The following PSD3 variants were observed in gnomAD, a reference collection of about 807,000 sequenced individuals.
PSD3 encodes pleckstrin and Sec7 domain containing 3, also known as PH and SEC7 domain-containing protein 3.
Under a neutral mutation model 105.5 loss-of-function variants are expected in PSD3, and 49 were observed. That is an observed-to-expected ratio of 0.46 (90% confidence interval 0.37 to 0.59). The LOEUF (loss-of-function observed/expected upper bound fraction) is 0.59, where lower values mean the gene tolerates loss of function less well. Ranked by LOEUF, PSD3 falls within the 20% of genes least tolerant of loss-of-function variation. The pLI is 0.00. For missense variants in PSD3, 1,561 were observed against 1,263.8 expected (o/e 1.24, Z -3.57); for synonymous variants, 557 against 457.8 (o/e 1.22, Z -2.77).
chr8:18,585,103 A>G (rs1269333252), intron 12 of PSD3, among the ~76,000 whole-genome samples: 1 of 152,174 alleles, frequency 6.6e-6, no homozygotes, highest in African/African-American at 2.4e-5. Context: ...CTTGCCTGGC[A>G]CTAGTGCTAG....
rs79557883 is a variant in PSD3 at position 18,711,827 on chromosome 8, A to T, written c.2172+53622T>A. The stretch of plus-strand genomic sequence containing the variant: ...TCCACCCCGAAACAACAGAATACAC[A>T]TTCTTTTTATCACCACATGGTACTT... On this transcript the variant is annotated intron_variant, in intron 9 of 15. Transcript: ENST00000327040. Among the ~76,000 whole-genome samples the T allele has an allele frequency of 7.4e-3, 1,124 of 152,314 alleles. 11 individuals are homozygous for T. The highest frequency in any genetic ancestry group is 0.012 in the Admixed American group (178 of 15,306).
chr8:18,636,392 C>T (rs1029228008), intron 10 of PSD3, among the ~76,000 whole-genome samples: 13 of 151,846 alleles, frequency 8.6e-5, no homozygotes, highest in African/African-American at 2.9e-4. Context: ...GCTGTTATTA[C>T]CAAAAAGTTA....
At chr8:18,653,534 G>T (rs1808675431) in intron 10 of PSD3, among the ~76,000 whole-genome samples, 1 of 152,092 alleles carries the variant, frequency 6.6e-6, no homozygotes, top group South Asian at 2.1e-4. Context: ...AGGACTACAG[G>T]TTAACTTGGT....
At chr8:18,548,972 C>G (rs2717742) in intron 15 of PSD3, among the ~76,000 whole-genome samples, 142,929 of 152,076 alleles carry the variant, frequency 0.94, 67,609 homozygotes, top group East Asian at 1. Context: ...AGTGGGATGT[C>G]AAACAGTTTA....
intron 9 of PSD3, among the ~76,000 whole-genome samples, chr8:18,676,471 A>T (rs1585586477): frequency 6.6e-6 from 1 of 152,200 alleles, no homozygotes; most frequent in African/African-American, 2.4e-5. Context: ...TCACACAAAG[A>T]AAAGAGCCAT....
At chr8:18,723,697 C>A (rs1386687) in intron 9 of PSD3, among the ~76,000 whole-genome samples, 1 of 152,190 alleles carries the variant, frequency 6.6e-6, no homozygotes. Flanking sequence ...ATTAATGACA[C>A]TGGTAAGTAT....
Position 18,978,859 on chromosome 8 carries a change from T to C in PSD3, c.21+34704A>G, listed in dbSNP as rs115907106. Among the ~76,000 whole-genome samples, 873 of 152,186 alleles carry C rather than the reference T, an allele frequency of 5.7e-3. 12 individuals are homozygous for C. Among genetic ancestry groups the C allele is most frequent in the African/African-American group, 0.02 (836 of 41,526 alleles). On this transcript the variant is annotated intron_variant, in intron 1 of 15. Transcript: ENST00000327040. ...TCAACCTCTCTCCCTTCCTCTCTCCTACCCTCTACCCTCATTCCCACCCCC... is the reference window on the plus strand; with the variant it reads ...TCAACCTCTCTCCCTTCCTCTCTCCCACCCTCTACCCTCATTCCCACCCCC...
At chr8:18,563,933 G>A (rs1263324156) in intron 14 of PSD3, among the ~76,000 whole-genome samples, 2 of 152,074 alleles carry the variant, frequency 1.3e-5, no homozygotes, top group Non-Finnish European at 2.9e-5. Flanking sequence ...TCCAAAGTGG[G>A]GTGTGTGTAG....
intron 4 of PSD3, among the ~76,000 whole-genome samples, chr8:18,848,046 G>C (rs540067738): frequency 2.4e-4 from 37 of 152,168 alleles, no homozygotes; most frequent in African/African-American, 8.9e-4. Context: ...AGGAACACGT[G>C]TCATCAAGAA....
At position 18,871,881 on chromosome 8, in the gene PSD3, C is replaced by T; in HGVS notation, c.983G>A (p.Arg328Lys). The change falls in exon 3 of 16, where the codon AGA becomes AAA. Residue 328 changes from arginine (R) to lysine (K), a missense_variant. Transcript: ENST00000327040. ...CTCTTTGCTGTCAGGAGAGGCTGTTCTTTGCAGTGATGTCTCAAAATCTAT... is the reference window on the plus strand; with the variant it reads ...CTCTTTGCTGTCAGGAGAGGCTGTTTTTTGCAGTGATGTCTCAAAATCTAT... ...HPIDFETSLQRTASPDSKESS... is the reference protein window; with the variant it reads ...HPIDFETSLQKTASPDSKESS... 1 of 1,614,212 alleles carries T rather than the reference C, an allele frequency of 6.2e-7. No homozygotes were observed. Among genetic ancestry groups the T allele is most frequent in the East Asian group, 2.2e-5 (1 of 44,884 alleles).
At chr8:19,024,441 A>G (rs984668818) in intron 1 of PSD3, among the ~76,000 whole-genome samples, 1 of 152,196 alleles carries the variant, frequency 6.6e-6, no homozygotes, top group African/African-American at 2.4e-5. Flanking sequence ...CAGAAGACAG[A>G]AGGGGTCCCA....
At chr8:18,855,016 G>C (rs1021629687) in intron 4 of PSD3, among the ~76,000 whole-genome samples, 22 of 152,286 alleles carry the variant, frequency 1.4e-4, no homozygotes, top group African/African-American at 5.1e-4. Context: ...AGATCCACTG[G>C]AAGCCGTGGC....
rs554120378 is a variant in PSD3 at position 18,899,135 on chromosome 8, C to G, written c.131-26402G>C. ...TTGTTTTCTAGAACTGCTTCTTCCA[C>G]GTCTTTTTCCTCATCATCTGGCACT... is the stretch of plus-strand genomic sequence containing the variant. On this transcript the variant is annotated intron_variant, in intron 2 of 15. Coordinates refer to ENST00000327040, the MANE Select transcript of PSD3 (RefSeq NM_015310.4). Among the ~76,000 whole-genome samples, 91 of 152,232 alleles carry G rather than the reference C, an allele frequency of 6.0e-4. 1 individual carries two copies. The South Asian group carries it at 0.018, about 31-fold the overall frequency.
chr8:18,535,647 G>C lies in PSD3; in HGVS notation c.*96C>G, dbSNP rs1445103813. On this transcript the variant is annotated 3_prime_UTR_variant, in exon 16 of 16. Transcript: ENST00000327040. The stretch of plus-strand genomic sequence containing the variant: ...ATTACTAATGCACCGTTTTGTCACA[G>C]ACTTTTTTTTTTTAAATATATTCAC... 5 of 955,852 alleles carry C rather than the reference G, an allele frequency of 5.2e-6. 1 individual carries two copies. The highest frequency in any genetic ancestry group is 4.6e-5 in the South Asian group (3 of 65,232). 59.2% of individuals were successfully genotyped at this position (955,852 alleles called of 1,614,324 possible).
At chr8:18,853,277 G>C (rs1171919601) in intron 4 of PSD3, among the ~76,000 whole-genome samples, 6 of 152,190 alleles carry the variant, frequency 3.9e-5, no homozygotes, top group African/African-American at 1.4e-4. Flanking sequence ...CAATGCCAAT[G>C]TTACCAATGC....
chr8:18,775,877 T>C (rs1808015087), intron 8 of PSD3, among the ~76,000 whole-genome samples: 1 of 152,192 alleles, frequency 6.6e-6, no homozygotes. Context: ...GCTCATAATT[T>C]AGAGGTCTTC....
At chr8:18,600,338 G>A (rs750144095) in intron 12 of PSD3, 26 bp downstream of exon 12, 4 of 1,580,946 alleles carry the variant, frequency 2.5e-6, no homozygotes, top group Non-Finnish European at 3.5e-6. Context: ...CGAGTTTTGT[G>A]GATTTTTTAT....
chr8:18,717,290 C>G (rs1035746122), intron 9 of PSD3, among the ~76,000 whole-genome samples: 3 of 151,972 alleles, frequency 2.0e-5, no homozygotes, highest in African/African-American at 7.3e-5. Flanking sequence ...GGGCCACTTT[C>G]TTAAGGAGCA....
intron 1 of PSD3, among the ~76,000 whole-genome samples, chr8:19,010,346 C>G (rs1826894898): frequency 6.6e-6 from 1 of 152,178 alleles, no homozygotes; most frequent in Non-Finnish European, 1.5e-5. Context: ...TGTTGACCTT[C>G]TGGGCGCAGT....
Sources: gnomAD v4.1 joint callset for allele counts (sites outside exome capture counted in the v4.1 genomes callset) on GRCh38, gnomAD v4.1.1 for gene constraint, MANE v1.5 for transcripts, NCBI Gene and HGNC (gene_info 2026-07-23, HGNC 2026-07-21) for gene names.